PARD3B: variants seen among roughly 807,000 people sequenced by gnomAD.
PARD3B encodes the protein par-3 family cell polarity regulator beta.
A neutral mutation model predicts 130.2 loss-of-function variants in PARD3B; 103 were observed. The observed-to-expected ratio is 0.79, with a 90% CI of 0.67 to 0.93. The LOEUF is 0.93. Ranked by LOEUF, PARD3B falls within the 40% of genes least tolerant of loss-of-function variation. PARD3B has a pLI of 0.00. For synonymous variants in PARD3B, 583 were observed against 553.2 expected, an observed-to-expected ratio of 1.05 and a Z score of -0.76; for missense variants, 1,609 against 1,499.2, an observed-to-expected ratio of 1.07 and a Z score of -1.21.
In PARD3B at chr2:205,276,297, C is replaced by G. The variant is rs1052327885; in HGVS notation, c.2186-24233C>G. On this transcript the variant is annotated intron_variant, in intron 16 of 22. Coordinates refer to ENST00000406610, the MANE Select transcript of PARD3B (RefSeq NM_001302769.2). This position sits in a 1 kb window ranked among gnomAD's most constrained non-coding sequence, Gnocchi z 5.0. ...GGGCGCCTGGTGCTGACAGCCTTGG[C>G]AAACAACCTAGAGAGAAAATATGTC... Among the ~76,000 whole-genome samples, 12 of 152,138 alleles carry G rather than the reference C, an allele frequency of 7.9e-5. No individual in the cohort carries two copies. Among genetic ancestry groups the G allele is most frequent in the African/African-American group, 2.7e-4 (11 of 41,428 alleles).
intron 15 of PARD3B, among the ~76,000 whole-genome samples, chr2:205,240,079 G>A (rs79722692): frequency 3.3e-5 from 5 of 152,044 alleles, no homozygotes; most frequent in African/African-American, 7.2e-5. Flanking sequence ...ATTGACATAC[G>A]AAAACACTAT....
chr2:204,987,461 A>G (rs931421963), intron 3 of PARD3B, among the ~76,000 whole-genome samples: 2 of 152,186 alleles, frequency 1.3e-5, no homozygotes, highest in Non-Finnish European at 2.9e-5. Context: ...TTGGGGAGAT[A>G]AATTATAAAG....
intron 3 of PARD3B, among the ~76,000 whole-genome samples, chr2:205,046,848 T>C (rs1698820539): frequency 6.6e-6 from 1 of 152,230 alleles, no homozygotes; most frequent in Admixed American, 6.5e-5. Flanking sequence ...TAGGCCTAAT[T>C]GCAGTCAGAG....
At position 205,473,797 on chromosome 2, in the gene PARD3B, T is replaced by C. The variant is rs1336474752; in HGVS notation, c.3045-26099T>C. 1.3e-5 allele frequency among the ~76,000 whole-genome samples: 2 copies of C among 149,612 alleles called. No homozygotes were observed. Among genetic ancestry groups the C allele is most frequent in the African/African-American group, 4.9e-5 (2 of 41,040 alleles). On this transcript the variant is annotated intron_variant, in intron 20 of 22. Transcript: ENST00000406610. The surrounding 1 kb of genome is among the most constrained non-coding windows in gnomAD (Gnocchi z 4.9). ...ATTTTATATTTTTTTAACTTGCAGT[T>C]CAACCTGTTGTCTTACGAAAGGGGA...
intron 2 of PARD3B, among the ~76,000 whole-genome samples, chr2:204,938,577 T>G (rs1345969863): frequency 6.6e-6 from 1 of 152,236 alleles, no homozygotes; most frequent in African/African-American, 2.4e-5. Flanking sequence ...TCTATATTTG[T>G]ACATTTATCT....
intron 2 of PARD3B, among the ~76,000 whole-genome samples, chr2:204,867,886 T>A (rs1446052479): frequency 3.9e-5 from 6 of 152,148 alleles, no homozygotes; most frequent in Admixed American, 3.9e-4. Context: ...TGGGAAGTGT[T>A]TGAAATATTG....
At chr2:205,019,017 G>C (rs767113901) in intron 3 of PARD3B, among the ~76,000 whole-genome samples, 2 of 151,992 alleles carry the variant, frequency 1.3e-5, no homozygotes, top group South Asian at 4.1e-4. Context: ...CCTACTTAAG[G>C]TATACAATTA....
intron 2 of PARD3B, among the ~76,000 whole-genome samples, chr2:204,725,817 G>A (rs2039199915): frequency 6.6e-6 from 1 of 152,172 alleles, no homozygotes; most frequent in Non-Finnish European, 1.5e-5. Context: ...GTAAACTTAT[G>A]GGAGGTAACA....
At chr2:205,501,348 T>G (rs1010665552) in intron 21 of PARD3B, among the ~76,000 whole-genome samples, 2 of 152,150 alleles carry the variant, frequency 1.3e-5, no homozygotes, top group Non-Finnish European at 2.9e-5. Context: ...TTGGTCTTAT[T>G]ATAGATGTTA....
chr2:205,462,494 A>G (rs1344548160), intron 20 of PARD3B, among the ~76,000 whole-genome samples: 2 of 152,134 alleles, frequency 1.3e-5, no homozygotes, highest in Non-Finnish European at 2.9e-5. Context: ...CACCTATACC[A>G]CGTGTCTGAG....
At chr2:205,223,609 T>C (rs926045239) in intron 15 of PARD3B, among the ~76,000 whole-genome samples, 2 of 142,814 alleles carry the variant, frequency 1.4e-5, no homozygotes, top group Non-Finnish European at 3.0e-5. Context: ...CTTTTTATGG[T>C]CCTGTATTCA....
intron 2 of PARD3B, among the ~76,000 whole-genome samples, chr2:204,809,314 A>C (rs1454003397): frequency 6.6e-6 from 1 of 152,034 alleles, no homozygotes; most frequent in African/African-American, 2.4e-5. Flanking sequence ...CTTTTGTTAC[A>C]ATTGCTTTTG....
chr2:205,018,118 C>A (rs557142168), intron 3 of PARD3B, among the ~76,000 whole-genome samples: 1 of 152,166 alleles, frequency 6.6e-6, no homozygotes, highest in South Asian at 2.1e-4. Flanking sequence ...TGGTGTGAGA[C>A]ACAGGTGTGA....
chr2:204,653,010 G>A (rs2035533129), intron 1 of PARD3B, among the ~76,000 whole-genome samples: 1 of 150,960 alleles, frequency 6.6e-6, no homozygotes, highest in Non-Finnish European at 1.5e-5. Flanking sequence ...CCCGACACAT[G>A]GGGATTACAA....
chr2:204,691,688 C>T (rs531203119), intron 2 of PARD3B, among the ~76,000 whole-genome samples: 2 of 151,934 alleles, frequency 1.3e-5, no homozygotes, highest in Non-Finnish European at 2.9e-5. Flanking sequence ...ATTAATGATA[C>T]TATGGTAGTG....
intron 18 of PARD3B, among the ~76,000 whole-genome samples, chr2:205,357,366 G>A (rs1286934459): frequency 6.6e-6 from 1 of 152,170 alleles, no homozygotes; most frequent in Non-Finnish European, 1.5e-5. Context: ...AACTTCCTGA[G>A]TTGAATTATA....
intron 2 of PARD3B, among the ~76,000 whole-genome samples, chr2:204,899,799 T>G (rs1371060540): frequency 6.6e-6 from 1 of 152,224 alleles, no homozygotes; most frequent in Non-Finnish European, 1.5e-5. Flanking sequence ...GGACAGGGTC[T>G]GCTGTTGATG....
chr2:204,979,204 T>A (rs112913277), intron 3 of PARD3B, among the ~76,000 whole-genome samples: 3 of 142,144 alleles, frequency 2.1e-5, no homozygotes, highest in African/African-American at 5.5e-5. Flanking sequence ...AGACTCTGTC[T>A]CAAAAAAAAA....
intron 19 of PARD3B, among the ~76,000 whole-genome samples, chr2:205,436,719 T>C (rs994278927): frequency 2.6e-5 from 4 of 152,094 alleles, no homozygotes; most frequent in Non-Finnish European, 5.9e-5. Context: ...TACTCTGCCC[T>C]GGTGGCTTCT....
Sources: gnomAD v4.1 joint callset for allele counts (sites outside exome capture counted in the v4.1 genomes callset) on GRCh38, gnomAD v4.1.1 for gene constraint, Gnocchi (gnomAD v3.1) non-coding constraint, MANE v1.5 for transcripts, NCBI Gene and HGNC (gene_info 2026-07-23, HGNC 2026-07-21) for gene names.